CNTNAP2: variants seen among roughly 807,000 people sequenced by gnomAD.
CNTNAP2 encodes the protein contactin-associated protein-like 2.
Under a neutral mutation model 155.2 loss-of-function variants are expected in CNTNAP2, and 98 were observed. The observed-to-expected ratio is 0.63, with a 90% confidence interval of 0.54 to 0.75. The LOEUF is 0.75. Ranked by LOEUF, CNTNAP2 falls within the 30% of genes least tolerant of loss-of-function variation. CNTNAP2 has a pLI of 0.00. For synonymous variants in CNTNAP2, 651 were observed against 631.2 expected (o/e 1.03, Z -0.47); for missense variants, 1,727 against 1,688.1 (o/e 1.02, Z -0.40).
At chr7:148,215,938 C>T (rs1202759811) in intron 18 of CNTNAP2, among the ~76,000 whole-genome samples, 2 of 152,196 alleles carry the variant, frequency 1.3e-5, no homozygotes, top group East Asian at 1.9e-4. Flanking sequence ...TTAATTATAA[C>T]GTAGAGCAGT....
chr7:146,163,527 C>A (rs199861359), intron 1 of CNTNAP2, among the ~76,000 whole-genome samples: 6 of 98,254 alleles, frequency 6.1e-5, no homozygotes, highest in Non-Finnish European at 8.8e-5. Flanking sequence ...CTATATATAT[C>A]TATATATATC....
At chr7:148,074,375 C>G (rs192530764) in intron 15 of CNTNAP2, among the ~76,000 whole-genome samples, 50 of 152,270 alleles carry the variant, frequency 3.3e-4, no homozygotes, top group African/African-American at 1.1e-3. Flanking sequence ...GTGGGAGCCA[C>G]AGAATACATA....
intron 1 of CNTNAP2, among the ~76,000 whole-genome samples, chr7:146,573,855 AT>A (rs1798480234): frequency 6.6e-6 from 1 of 152,148 alleles, no homozygotes; most frequent in Non-Finnish European, 1.5e-5. Flanking sequence ...GGTTTTTCTT[AT>A]TTTGTTAAAT....
intron 9 of CNTNAP2, among the ~76,000 whole-genome samples, chr7:147,322,338 G>T (rs1044446848): frequency 1.3e-5 from 2 of 152,162 alleles, no homozygotes; most frequent in Admixed American, 6.5e-5. Flanking sequence ...TAGCATCTTT[G>T]TAATACTCCT....
At chr7:148,019,871 C>T (rs1483156838) in intron 15 of CNTNAP2, among the ~76,000 whole-genome samples, 1 of 152,118 alleles carries the variant, frequency 6.6e-6, no homozygotes, top group Non-Finnish European at 1.5e-5. Context: ...ACTGCAACCT[C>T]CACCTCCTGG....
At chr7:146,231,042 A>ATAGG (rs76111973) in intron 1 of CNTNAP2, among the ~76,000 whole-genome samples, 1 of 150,400 alleles carries the variant, frequency 6.6e-6, no homozygotes, top group Non-Finnish European at 1.5e-5. Context: ...AAATAAATAA[A>ATAGG]AAGTTAATAT....
At chr7:146,178,642 T>C (rs903459471) in intron 1 of CNTNAP2, among the ~76,000 whole-genome samples, 1 of 152,180 alleles carries the variant, frequency 6.6e-6, no homozygotes, top group African/African-American at 2.4e-5. Flanking sequence ...ATTTTTTTAA[T>C]GCTAACTTTT....
At chr7:146,200,906 G>A (rs974286355) in intron 1 of CNTNAP2, among the ~76,000 whole-genome samples, 14 of 152,124 alleles carry the variant, frequency 9.2e-5, no homozygotes, top group African/African-American at 2.4e-4. Context: ...CAAAAGAGAC[G>A]TTGCAGGGTA....
At chr7:147,787,790 A>G (rs897683601) in intron 13 of CNTNAP2, among the ~76,000 whole-genome samples, 11 of 152,234 alleles carry the variant, frequency 7.2e-5, no homozygotes, top group Non-Finnish European at 1.3e-4. Context: ...AGAGCTAGTA[A>G]TCACTTTTTT....
intron 1 of CNTNAP2, among the ~76,000 whole-genome samples, chr7:146,428,096 T>C (rs1796119269): frequency 1.3e-5 from 2 of 152,236 alleles, no homozygotes; most frequent in South Asian, 4.1e-4. Flanking sequence ...AACTTTATAG[T>C]ATTCCATGGC....
At chr7:146,183,093 T>C (rs1287853731) in intron 1 of CNTNAP2, among the ~76,000 whole-genome samples, 1 of 152,192 alleles carries the variant, frequency 6.6e-6, no homozygotes, top group Non-Finnish European at 1.5e-5. Flanking sequence ...GGACATTCCA[T>C]GTTTTGCAAA....
At chr7:147,325,446 G>T (rs1477464678) in intron 9 of CNTNAP2, among the ~76,000 whole-genome samples, 1 of 152,192 alleles carries the variant, frequency 6.6e-6, no homozygotes, top group Non-Finnish European at 1.5e-5. Flanking sequence ...TAATTATGCG[G>T]TTCTTGCTTT....
At position 146,776,825 on chromosome 7, in the gene CNTNAP2, A is replaced by G. The variant is rs368650872; in HGVS notation, c.208+2444A>G. Reference sequence around the variant, plus strand: ...TTACACCATTTAGAGCTGCTTATGTATTTATCTACTCATACAGAGAGAGTC... The same window carrying G: ...TTACACCATTTAGAGCTGCTTATGTGTTTATCTACTCATACAGAGAGAGTC... On this transcript the variant is annotated intron_variant, in intron 2 of 23. Transcript: ENST00000361727. 3.8e-3 allele frequency among the ~76,000 whole-genome samples: 577 copies of G among 152,240 alleles called. 4 individuals carry two copies. Among genetic ancestry groups the G allele is most frequent in the South Asian group, 0.035 (171 of 4,824 alleles).
At chr7:146,997,908 C>G (rs984493335) in intron 3 of CNTNAP2, among the ~76,000 whole-genome samples, 1 of 152,034 alleles carries the variant, frequency 6.6e-6, no homozygotes, top group African/African-American at 2.4e-5. Context: ...GCTTACTTGT[C>G]TCTGAATATG....
At chr7:147,019,547 G>A (rs910735011) in intron 3 of CNTNAP2, among the ~76,000 whole-genome samples, 4 of 152,040 alleles carry the variant, frequency 2.6e-5, no homozygotes, top group Non-Finnish European at 4.4e-5. Context: ...GGTGTTGTGG[G>A]TAGAGCTGTC....
chr7:147,553,477 T>C (rs1799891300), intron 11 of CNTNAP2, among the ~76,000 whole-genome samples: 3 of 152,188 alleles, frequency 2.0e-5, no homozygotes, highest in Admixed American at 2.0e-4. Flanking sequence ...AATCAACTTA[T>C]CCAGTTTATT....
intron 12 of CNTNAP2, among the ~76,000 whole-genome samples, chr7:147,608,717 G>GT (rs1158363191): frequency 1.3e-5 from 2 of 152,206 alleles, no homozygotes; most frequent in African/African-American, 4.8e-5. Flanking sequence ...ACTGTCACGC[G>GT]TGTCTGTGTG....
intron 13 of CNTNAP2, among the ~76,000 whole-genome samples, chr7:147,876,284 T>C (rs952532703): frequency 5.3e-5 from 8 of 152,208 alleles, no homozygotes; most frequent in Non-Finnish European, 8.8e-5. Context: ...TTTTTTCTTA[T>C]GCATTGTCCT....
chr7:147,381,813 A>G (rs1303565404), intron 9 of CNTNAP2, among the ~76,000 whole-genome samples: 3 of 152,066 alleles, frequency 2.0e-5, no homozygotes, highest in African/African-American at 7.2e-5. Context: ...CAACTTTAGT[A>G]TAAACATATT....
Sources: gnomAD v4.1 joint callset for allele counts (sites outside exome capture counted in the v4.1 genomes callset) on GRCh38, gnomAD v4.1.1 for gene constraint, MANE v1.5 for transcripts, NCBI Gene and HGNC (gene_info 2026-07-23, HGNC 2026-07-21) for gene names.